KCNQ5: variants seen among roughly 807,000 people sequenced by gnomAD.
KCNQ5 encodes the protein potassium voltage-gated channel subfamily KQT member 5.
In KCNQ5, 30 loss-of-function variants were observed where a neutral mutation model predicts 98.2. That is an observed-to-expected ratio of 0.31 (90% CI 0.23 to 0.41). The LOEUF (loss-of-function observed/expected upper bound fraction) is 0.41. Among genes scored for constraint, KCNQ5 ranks in the 10% least tolerant of loss-of-function variants. The pLI, the probability that KCNQ5 is intolerant of heterozygous loss-of-function variation, is 1.00. For synonymous variants in KCNQ5, 458 were observed against 449.4 expected (o/e 1.02, Z -0.24); for missense variants, 835 against 1,182.5 (o/e 0.71, Z 4.31).
intron 1 of KCNQ5, among the ~76,000 whole-genome samples, chr6:72,868,247 C>T (rs1187326997): frequency 6.6e-6 from 1 of 152,136 alleles, no homozygotes; most frequent in Non-Finnish European, 1.5e-5. Flanking sequence ...AGAAGAGATG[C>T]CTTTTTGTAA....
intron 1 of KCNQ5, among the ~76,000 whole-genome samples, chr6:72,889,514 G>A (rs1778978356): frequency 6.6e-6 from 1 of 152,022 alleles, no homozygotes. Context: ...AAATGAAGCA[G>A]TACCACCAAG....
At chr6:72,964,248 T>A (rs1481771766) in intron 1 of KCNQ5, among the ~76,000 whole-genome samples, 1 of 152,206 alleles carries the variant, frequency 6.6e-6, no homozygotes, top group Admixed American at 6.6e-5. Context: ...TTAAAAATGA[T>A]GGCATCATTT....
At chr6:73,178,462 A>G (rs890065752) in intron 11 of KCNQ5, among the ~76,000 whole-genome samples, 3 of 149,180 alleles carry the variant, frequency 2.0e-5, no homozygotes, top group South Asian at 4.3e-4. Flanking sequence ...AGGAGAGCCT[A>G]CTAGATCCTG....
At chr6:72,814,557 A>G (rs764600184) in intron 1 of KCNQ5, among the ~76,000 whole-genome samples, 2 of 152,212 alleles carry the variant, frequency 1.3e-5, no homozygotes, top group South Asian at 2.1e-4. Context: ...CTAACTGCAC[A>G]CCACTAAACT....
chr6:73,107,091 A>G (rs1386120048), intron 6 of KCNQ5, among the ~76,000 whole-genome samples: 1 of 152,238 alleles, frequency 6.6e-6, no homozygotes, highest in Non-Finnish European at 1.5e-5. Flanking sequence ...TAGAAACAAT[A>G]CAACGCAGTC....
intron 1 of KCNQ5, among the ~76,000 whole-genome samples, chr6:72,752,592 C>T (rs1391135461): frequency 6.6e-6 from 1 of 152,054 alleles, no homozygotes; most frequent in Admixed American, 6.6e-5. Flanking sequence ...TGTGAGTCTC[C>T]AAGTTGTATT....
At chr6:72,810,872 CTTTTAATCTGTCTG>C (rs1775207673) in intron 1 of KCNQ5, among the ~76,000 whole-genome samples, 1 of 152,188 alleles carries the variant, frequency 6.6e-6, no homozygotes, top group South Asian at 2.1e-4. Context: ...GGGTTAGTAT[CTTTTAATCTGTCTG>C]TTTTCTAAAA....
At chr6:73,179,715 A>G (rs1270444891) in intron 11 of KCNQ5, among the ~76,000 whole-genome samples, 5 of 152,176 alleles carry the variant, frequency 3.3e-5, no homozygotes, top group Non-Finnish European at 7.3e-5. Flanking sequence ...TAATATCCCC[A>G]TAAATGAGGG....
intron 11 of KCNQ5, among the ~76,000 whole-genome samples, chr6:73,189,512 A>G (rs182678246): frequency 6.6e-6 from 1 of 152,288 alleles, no homozygotes; most frequent in East Asian, 1.9e-4. Context: ...TTTGTTCCTA[A>G]TCTTCCCACT....
intron 5 of KCNQ5, among the ~76,000 whole-genome samples, chr6:73,094,032 C>A (rs1306398813): frequency 6.6e-6 from 1 of 152,010 alleles, no homozygotes; most frequent in African/African-American, 2.4e-5. Context: ...ATTATGTTGC[C>A]ACCTGTCTCA....
chr6:72,901,883 G>A (rs975846168), intron 1 of KCNQ5, among the ~76,000 whole-genome samples: 2 of 152,124 alleles, frequency 1.3e-5, no homozygotes, highest in African/African-American at 4.8e-5. Context: ...ATTCTGTGAA[G>A]AATGATGGTG....
At chr6:72,794,145 C>T (rs575226503) in intron 1 of KCNQ5, among the ~76,000 whole-genome samples, 39 of 152,294 alleles carry the variant, frequency 2.6e-4, no homozygotes, top group African/African-American at 8.4e-4. Flanking sequence ...TGTCAGTGCA[C>T]GTTGGTGCAT....
intron 1 of KCNQ5, among the ~76,000 whole-genome samples, chr6:72,941,476 TTCCCTCCC>T (rs1457026751): frequency 1.0e-5 from 1 of 97,302 alleles, no homozygotes; most frequent in Non-Finnish European, 2.1e-5. Context: ...CCTTCCCTCC[TTCCCTCCC>T]TCCCTTCTTT....
chr6:73,149,235 G>A (rs1350813726), intron 10 of KCNQ5, among the ~76,000 whole-genome samples: 1 of 152,112 alleles, frequency 6.6e-6, no homozygotes, highest in African/African-American at 2.4e-5. Context: ...GGACAGAATA[G>A]GAAATACATA....
chr6:72,674,947 G>A (rs1767333351), intron 1 of KCNQ5, among the ~76,000 whole-genome samples: 1 of 152,114 alleles, frequency 6.6e-6, no homozygotes, highest in African/African-American at 2.4e-5. Context: ...TAACTGCATG[G>A]ATGCTATAGA....
At chr6:73,017,996 A>G (rs2150336502) in intron 2 of KCNQ5, among the ~76,000 whole-genome samples, 1 of 152,210 alleles carries the variant, frequency 6.6e-6, no homozygotes, top group South Asian at 2.1e-4. Flanking sequence ...TACTCTCCTG[A>G]ACGTTATTTT....
chr6:73,133,907 A>T (rs952942214), intron 10 of KCNQ5: 10 of 589,364 alleles, frequency 1.7e-5, no homozygotes, highest in Non-Finnish European at 3.0e-5. Context: ...TGTATCTACA[A>T]ATTTATTTCT....
chr6:73,045,142 G>A (rs1020614912), intron 3 of KCNQ5, among the ~76,000 whole-genome samples: 1 of 152,090 alleles, frequency 6.6e-6, no homozygotes, highest in African/African-American at 2.4e-5. Flanking sequence ...CTTCTGAACT[G>A]CCCACCTTCC....
intron 11 of KCNQ5, among the ~76,000 whole-genome samples, chr6:73,181,783 C>T (rs908322624): frequency 2.6e-5 from 4 of 152,192 alleles, no homozygotes; most frequent in Non-Finnish European, 4.4e-5. Context: ...AACTGGTTCA[C>T]GTCCTAATTC....
Sources: gnomAD v4.1 joint callset for allele counts (sites outside exome capture counted in the v4.1 genomes callset) on GRCh38, gnomAD v4.1.1 for gene constraint, MANE v1.5 for transcripts, NCBI Gene and HGNC (gene_info 2026-07-23, HGNC 2026-07-21) for gene names.